GEN1: variants seen among roughly 807,000 people sequenced by gnomAD.
The protein encoded by GEN1 is GEN1 structure-specific endonuclease, also known as flap endonuclease GEN homolog 1.
In GEN1, 64 loss-of-function variants were observed where a neutral mutation model predicts 67.6. The ratio of observed to expected loss-of-function variants is 0.95; its 90% CI spans 0.77 to 1.17. GEN1 has a LOEUF of 1.17. Among genes scored for constraint, GEN1 ranks in the 50% most tolerant of loss-of-function variants. The pLI is 0.00. For synonymous variants in GEN1, 371 were observed against 359.4 expected, an observed-to-expected ratio of 1.03 and a Z score of -0.37; for missense variants, 1,058 against 1,048.3, an observed-to-expected ratio of 1.01 and a Z score of -0.13.
At chr2:17,774,471 T>C in intron 11 of GEN1, 70 bp downstream of exon 11, 1 of 1,311,504 alleles carries the variant, frequency 7.6e-7, no homozygotes, top group East Asian at 2.5e-5. Context: ...ATATTCCTAA[T>C]ATCTTTAAGC....
intron 11 of GEN1, among the ~76,000 whole-genome samples, chr2:17,777,769 A>G (rs1366664100): frequency 6.6e-6 from 1 of 152,148 alleles, no homozygotes; most frequent in East Asian, 1.9e-4. Context: ...TGTGAAGATG[A>G]GGAACACTGC....
At chr2:17,775,002 G>T (rs1278535731) in intron 11 of GEN1, among the ~76,000 whole-genome samples, 3 of 152,018 alleles carry the variant, frequency 2.0e-5, no homozygotes, top group African/African-American at 7.2e-5. Flanking sequence ...AAATATAAAA[G>T]AATTGAAGAA....
At chr2:17,778,738 T>A (rs1254202097) in intron 12 of GEN1, among the ~76,000 whole-genome samples, 2 of 152,082 alleles carry the variant, frequency 1.3e-5, no homozygotes, top group Admixed American at 1.3e-4. Context: ...TCTGAAAAAA[T>A]TGAGATTGTT....
At chr2:17,767,548 G>T (rs1023812888) in intron 5 of GEN1, among the ~76,000 whole-genome samples, 2 of 152,076 alleles carry the variant, frequency 1.3e-5, no homozygotes, top group African/African-American at 4.8e-5. Context: ...AAAGCAGGAG[G>T]AAAGAAACTT....
intron 5 of GEN1, among the ~76,000 whole-genome samples, chr2:17,768,493 A>G (rs1231028094): frequency 6.6e-6 from 1 of 152,204 alleles, no homozygotes; most frequent in African/African-American, 2.4e-5. Flanking sequence ...TTTGGTATAT[A>G]ACTCGCTGAA....
In GEN1 at chr2:17,774,382, A is replaced by G; in HGVS notation, c.1183A>G (p.Asn395Asp). The change falls in exon 11 of 14, where the codon AAT (asparagine) becomes GAT (aspartate). Residue 395 changes from asparagine to aspartate, a missense_variant. Physicochemically the swap from Asn to Asp is conservative, Grantham distance 23 (BLOSUM62 1). Transcript: ENST00000381254. ...IERKLGSRNS[N>D]QLQPIRIVKT... ...AAGAAAGCTTGGTAGCAGAAACTCT[A>G]ATCAACTACAGCCAATTCGGTAATG... 6.2e-7 allele frequency: 1 copy of G among 1,603,758 alleles called. No homozygotes were observed. Among genetic ancestry groups the G allele is most frequent in the Non-Finnish European group, 8.5e-7 (1 of 1,174,330 alleles).
Position 17,759,973 on chromosome 2 carries a change from G to T in GEN1, c.30G>T (p.Leu10Phe). The T allele has an allele frequency of 6.2e-7, 1 of 1,613,858 alleles. No individual in the cohort carries two copies. ...GAGTGAATGACTTGTGGCAAATTTT[G>T]GAGCCTGTTAAGCAACACATCCCCT... MGVNDLWQILEPVKQHIPLR... is the reference protein window; with the variant it reads MGVNDLWQIFEPVKQHIPLR... Residue 10 changes from leucine to phenylalanine, a missense_variant, in exon 2 of 14, where the codon TTG (leucine) becomes TTT (phenylalanine). By Grantham distance (22) the Leu-to-Phe change is conservative. Coordinates refer to ENST00000381254, the MANE Select transcript of GEN1 (RefSeq NM_001130009.3).
At position 17,761,377 on chromosome 2, in the gene GEN1, A is replaced by G. The variant is rs532118019; in HGVS notation, c.162-19A>G. 7.5e-7 allele frequency: 1 copy of G among 1,333,824 alleles called. No homozygotes were observed. Among genetic ancestry groups the G allele is most frequent in the Non-Finnish European group, 1.1e-6 (1 of 939,076 alleles). The allele number at this position is 1,333,824 out of a possible 1,614,324, so 82.6% of individuals were successfully genotyped here. On this transcript the variant is annotated intron_variant, in intron 2 of 13. Coordinates refer to ENST00000381254, the MANE Select transcript of GEN1 (RefSeq NM_001130009.3). ...ATCAGTGTTTGATGATTAATGTATTACTAATTTATATATTTCAGGAACTTA... is the reference window on the plus strand; with the variant it reads ...ATCAGTGTTTGATGATTAATGTATTGCTAATTTATATATTTCAGGAACTTA...
chr2:17,762,378 G>GC (rs1558396956), intron 3 of GEN1, among the ~76,000 whole-genome samples: 1 of 143,574 alleles, frequency 7.0e-6, no homozygotes, highest in Non-Finnish European at 1.5e-5. Context: ...AGTTTTTTTT[G>GC]TTTTTTTTTT....
intron 12 of GEN1, among the ~76,000 whole-genome samples, chr2:17,778,777 CT>C (rs57128792): frequency 0.19 from 27,172 of 145,770 alleles, 3,434 homozygotes; most frequent in African/African-American, 0.38. Context: ...ACTTCCTTTC[CT>C]TTTTTTTTTT....
At chr2:17,780,362 A>G (rs904514087) in intron 13 of GEN1, among the ~76,000 whole-genome samples, 1 of 152,246 alleles carries the variant, frequency 6.6e-6, no homozygotes, top group Non-Finnish European at 1.5e-5. Flanking sequence ...TATACTGACT[A>G]GTTGTTCAGC....
Position 17,761,415 on chromosome 2 carries a change from T to A in GEN1, c.181T>A (p.Ser61Thr), listed in dbSNP as rs540697801. The change falls in exon 3 of 14, where the codon TCA becomes ACA. Residue 61 changes from serine (S) to threonine (T), a missense_variant. By Grantham distance (58) the Ser-to-Thr change is moderately conservative. Coordinates refer to ENST00000381254, the MANE Select transcript of GEN1 (RefSeq NM_001130009.3). ...TTTCAGGAACTTATTTTTTCGTATC[T>A]CATATTTAACACAAATGGATGTAAA... The part of the protein sequence containing the change: ...PHLRNLFFRI[S>T]YLTQMDVKLV... 38 of 1,592,410 alleles carry A rather than the reference T, an allele frequency of 2.4e-5. No homozygotes were observed. In the East Asian group the frequency reaches 7.8e-4, roughly 33 times the overall value.
At chr2:17,778,292 G>GTATACACACACATATA (rs1672597570) in intron 12 of GEN1, among the ~76,000 whole-genome samples, 2 of 94,322 alleles carry the variant, frequency 2.1e-5, no homozygotes, top group Non-Finnish European at 4.1e-5. Context: ...ACACACACAT[G>GTATACACACACATATA]TGTGTGTACA....
At chr2:17,771,449 C>CA (rs1387004906) in intron 7 of GEN1, among the ~76,000 whole-genome samples, 162 bp downstream of exon 7, 1 of 152,110 alleles carries the variant, frequency 6.6e-6, no homozygotes, top group African/African-American at 2.4e-5. Context: ...GTTATATACA[C>CA]ATAGTAGTCA....
rs751327221 is a variant in GEN1, at chr2:17,780,726, C to G, written c.1514C>G (p.Ser505Cys). The G allele has an allele frequency of 6.2e-7, 1 of 1,613,900 alleles. No homozygotes were observed. The highest frequency in any genetic ancestry group is 1.1e-5 in the South Asian group (1 of 91,050). ...PTCEIFHKQN[S>C]KLNSGISPDP... is the part of the protein sequence containing the mutation. The stretch of plus-strand genomic sequence containing the variant: ...TGTGAAATCTTTCATAAGCAGAATT[C>G]CAAGTTAAATTCGGGGATTTCCCCT... The change falls in exon 14 of 14, where the codon TCC (serine) becomes TGC (cysteine). Residue 505 changes from serine to cysteine, a missense_variant. Physicochemically the swap from Ser to Cys is moderately radical, Grantham distance 112. Transcript: ENST00000381254.
In GEN1 at chr2:17,780,676, G is replaced by A; in HGVS notation, c.1464G>A (p.Gln488=). The part of the protein sequence containing the change: ...LPEPDEVMSF[Q]SHMTLKPTCE... ...AACCAGATGAAGTAATGAGCTTTCA[G>A]TCACACATGACTTTAAAACCCACAT... The change falls in exon 14 of 14, where the codon CAG becomes CAA. Residue 488 remains glutamine, a synonymous_variant. Transcript: ENST00000381254. 6.2e-7 allele frequency: 1 copy of A among 1,612,492 alleles called. No individual in the cohort carries two copies. Among genetic ancestry groups the A allele is most frequent in the Non-Finnish European group, 8.5e-7 (1 of 1,179,248 alleles).
chr2:17,772,485 A>G, intron 7 of GEN1, 149 bp from the exon 8 acceptor site: 1 of 533,890 alleles, frequency 1.9e-6, no homozygotes, highest in Non-Finnish European at 3.3e-6. Context: ...TACTCTATTC[A>G]TCCTAAATGT....
At chr2:17,770,363 C>T (rs747423222) in intron 6 of GEN1, among the ~76,000 whole-genome samples, 2 of 152,110 alleles carry the variant, frequency 1.3e-5, no homozygotes, top group Non-Finnish European at 2.9e-5. Flanking sequence ...TAATTTTTAA[C>T]AGGCTTGTAC....
rs1453577479 is a variant in GEN1 at position 17,783,789 on chromosome 2, A to G, written c.*1850A>G. The G allele has an allele frequency of 6.6e-6, 1 of 152,256 alleles. No individual in the cohort carries two copies. Among genetic ancestry groups the G allele is most frequent in the Non-Finnish European group, 1.5e-5 (1 of 68,044 alleles). 9.4% of individuals were successfully genotyped at this position (152,256 alleles called of 1,614,324 possible). On this transcript the variant is annotated 3_prime_UTR_variant, in exon 14 of 14. Coordinates refer to ENST00000381254, the MANE Select transcript of GEN1 (RefSeq NM_001130009.3). ...ACCAACTGTCTTCTGGATCTATTGGATATCTATGTAAAAAAGAGTGACATT... is the reference window on the plus strand; with the variant it reads ...ACCAACTGTCTTCTGGATCTATTGGGTATCTATGTAAAAAAGAGTGACATT...
Sources: gnomAD v4.1 joint callset for allele counts (sites outside exome capture counted in the v4.1 genomes callset) on GRCh38, gnomAD v4.1.1 for gene constraint, MANE v1.5 for transcripts, NCBI Gene and HGNC (gene_info 2026-07-23, HGNC 2026-07-21) for gene names.